The following CEP68 variants were observed in gnomAD, a reference collection of about 807,000 sequenced individuals.
CEP68 encodes centrosomal protein 68.
In CEP68, 26 loss-of-function variants were observed where a neutral mutation model predicts 55.3. That is an observed-to-expected ratio of 0.47 (90% CI 0.34 to 0.65). The LOEUF is 0.65. CEP68 is among the 30% of genes least tolerant of loss of function. The pLI, the probability that CEP68 is intolerant of heterozygous loss-of-function variation, is 0.01. For synonymous variants in CEP68, 402 were observed against 383.2 expected, an observed-to-expected ratio of 1.05 and a Z score of -0.57; for missense variants, 957 against 946.7, an observed-to-expected ratio of 1.01 and a Z score of -0.14.
At chr2:65,081,376 T>A (rs1369147515) in intron 5 of CEP68, among the ~76,000 whole-genome samples, 2 of 152,116 alleles carry the variant, frequency 1.3e-5, no homozygotes, top group Non-Finnish European at 2.9e-5. Flanking sequence ...CCCTAGGAGA[T>A]CTCAATACAG....
chr2:65,063,544 G>A (rs1232692694), intron 1 of CEP68, among the ~76,000 whole-genome samples: 4 of 152,200 alleles, frequency 2.6e-5, no homozygotes, highest in African/African-American at 4.8e-5. Flanking sequence ...GACAACAAGC[G>A]CTATTCACCA....
In CEP68 at chr2:65,071,779, T is replaced by C; in HGVS notation, c.683T>C (p.Leu228Pro). ...TCTCTGGCCAAGGTCTCCTCCTCCC[T>C]GGAGCCGGTCGTCCCCCAGGAACCT... ...GGSLAKVSSS[L>P]EPVVPQEPSS... The change falls in exon 3 of 7, where the codon CTG (leucine) becomes CCG (proline). Residue 228 changes from leucine (L) to proline (P), a missense_variant. Physicochemically the swap from Leu to Pro is moderately conservative, Grantham distance 98. Coordinates refer to ENST00000377990, the MANE Select transcript of CEP68 (RefSeq NM_015147.3). 1.2e-6 allele frequency: 2 copies of C among 1,612,004 alleles called. No homozygotes were observed. The highest frequency in any genetic ancestry group is 1.1e-5 in the South Asian group (1 of 91,034).
In CEP68 at chr2:65,072,192, C is replaced by T; in HGVS notation, c.1096C>T (p.Pro366Ser). 1 of 1,614,108 alleles carries T rather than the reference C, an allele frequency of 6.2e-7. No homozygotes were observed. Among genetic ancestry groups the T allele is most frequent in the Non-Finnish European group, 8.5e-7 (1 of 1,180,022 alleles). ...CCCACCAGCAGAGGCCACTGCCCTGCCATTTTCTGGGCCCAGAGAGCCAAG... is the reference window on the plus strand; with the variant it reads ...CCCACCAGCAGAGGCCACTGCCCTGTCATTTTCTGGGCCCAGAGAGCCAAG... ...NCPPAEATAL[P>S]FSGPREPSLK... Residue 366 changes from proline to serine, a missense_variant, in exon 3 of 7, where the codon CCA becomes TCA. Transcript: ENST00000377990.
At chr2:65,065,074 C>G (rs980914760) in intron 1 of CEP68, among the ~76,000 whole-genome samples, 1 of 152,230 alleles carries the variant, frequency 6.6e-6, no homozygotes, top group Non-Finnish European at 1.5e-5. Flanking sequence ...CTGGACTTGT[C>G]TCACTCAGAG....
chr2:65,067,912 G>C lies in CEP68; in HGVS notation c.-46-1487G>C, dbSNP rs112194454. Reference sequence around the variant, plus strand: ...ATGCCCCATCAGGCAGAGTAGGGAAGGGCCCTCTTGGATTCCAGTGCAAGG... The same window carrying C: ...ATGCCCCATCAGGCAGAGTAGGGAACGGCCCTCTTGGATTCCAGTGCAAGG... On this transcript the variant is annotated intron_variant, in intron 1 of 6. Coordinates refer to ENST00000377990, the MANE Select transcript of CEP68 (RefSeq NM_015147.3). Among the ~76,000 whole-genome samples, 548 of 152,258 alleles carry C rather than the reference G, an allele frequency of 3.6e-3. 2 individuals carry two copies. The highest frequency in any genetic ancestry group is 0.013 in the African/African-American group (520 of 41,538).
Position 65,071,738 on chromosome 2 carries a change from G to A in CEP68, c.642G>A (p.Ala214=), listed in dbSNP as rs377357609. 1.3e-4 allele frequency: 202 copies of A among 1,613,848 alleles called. 1 individual carries two copies. In the East Asian group the frequency reaches 2.3e-3, roughly 19 times the overall value. The change falls in exon 3 of 7, where the codon GCG becomes GCA. Residue 214 remains alanine, a synonymous_variant. Transcript: ENST00000377990. ...GTCTCCAGGGTCACCAGGAGAGGGCGGAGCCTCGTGGTGGTTCTCTGGCCA... is the reference window on the plus strand; with the variant it reads ...GTCTCCAGGGTCACCAGGAGAGGGCAGAGCCTCGTGGTGGTTCTCTGGCCA... ...GSSLQGHQER[A]EPRGGSLAKV...
rs113720539 is a variant in CEP68, at chr2:65,059,237, C to T, written c.-47+2709C>T. Among the ~76,000 whole-genome samples, 658 of 152,302 alleles carry T rather than the reference C, an allele frequency of 4.3e-3. 7 individuals are homozygous for T. Among genetic ancestry groups the T allele is most frequent in the African/African-American group, 0.015 (634 of 41,552 alleles). On this transcript the variant is annotated intron_variant, in intron 1 of 6. Coordinates refer to ENST00000377990, the MANE Select transcript of CEP68 (RefSeq NM_015147.3). ...AGACCTGTCTGCCAGCTAGAAGTGT[C>T]AGATACAACTCCTGGGGGACACTGC...
intron 2 of CEP68, among the ~76,000 whole-genome samples, chr2:65,070,426 G>T (rs1259645396): frequency 6.6e-6 from 1 of 151,880 alleles, no homozygotes; most frequent in Non-Finnish European, 1.5e-5. Flanking sequence ...TGACCGGAAT[G>T]ATCTGTTCTG....
rs573556205 is a variant in CEP68 at position 65,076,208 on chromosome 2, G to A, written c.2008-1660G>A. 3.9e-5 allele frequency among the ~76,000 whole-genome samples: 6 copies of A among 152,230 alleles called. No individual in the cohort carries two copies. In the South Asian group the frequency reaches 1.2e-3, roughly 32 times the overall value. On this transcript the variant is annotated intron_variant, in intron 4 of 6. Transcript: ENST00000377990. ...CACGTGCATGCACGCAGCTGTGCAG[G>A]GCCCAGGACCAGTACCACTACAGAG...
chr2:65,058,508 T>TA (rs1224517981), intron 1 of CEP68, among the ~76,000 whole-genome samples: 124 of 136,666 alleles, frequency 9.1e-4, no homozygotes, highest in African/African-American at 3.2e-3. Flanking sequence ...TTTTTTTTTT[T>TA]TTTTTTTTTT....
Position 65,072,272 on chromosome 2 carries a change from A to G in CEP68, c.1176A>G (p.Ala392=), listed in dbSNP as rs1676514629. The G allele has an allele frequency of 6.2e-7, 1 of 1,613,938 alleles. No homozygotes were observed. Among genetic ancestry groups the G allele is most frequent in the African/African-American group, 1.3e-5 (1 of 74,890 alleles). The part of the protein sequence containing the change: ...VPQKQGGMGL[A]SWSQLASTPR... Reference sequence around the variant, plus strand: ...AGAAACAGGGTGGCATGGGCTTGGCATCTTGGAGCCAACTTGCATCTACCC... The same window carrying G: ...AGAAACAGGGTGGCATGGGCTTGGCGTCTTGGAGCCAACTTGCATCTACCC... Residue 392 remains alanine, a synonymous_variant, in exon 3 of 7, where the codon GCA becomes GCG. Transcript: ENST00000377990.
intron 1 of CEP68, among the ~76,000 whole-genome samples, chr2:65,063,114 A>AT (rs939498291): frequency 6.6e-6 from 1 of 152,164 alleles, no homozygotes; most frequent in African/African-American, 2.4e-5. Context: ...TTGTGGGCGT[A>AT]TTTTTACTGT....
In CEP68 at chr2:65,069,513, AGGGAGCTGCAGGGAGC is replaced by A. The variant is rs1349762701; in HGVS notation, c.78_93del (p.Cys26TrpfsTer7). ...ACACAAAGGCCCAGTCCTATGGGAGAGGGAGCTGCAGGGAGCGGGAGCTGGACATCCCAGGGCCCAT... is the reference window on the plus strand; with the variant it reads ...ACACAAAGGCCCAGTCCTATGGGAGAGGGAGCTGGACATCCCAGGGCCCAT... On this transcript the variant is annotated frameshift_variant, in exon 2 of 7. Transcript: ENST00000377990. LOFTEE classifies it high-confidence loss of function. 21 of 1,575,774 alleles carry A rather than the reference AGGGAGCTGCAGGGAGC, an allele frequency of 1.3e-5. No homozygotes were observed. Among genetic ancestry groups the A allele is most frequent in the Non-Finnish European group, 1.8e-5 (21 of 1,159,422 alleles).
intron 1 of CEP68, among the ~76,000 whole-genome samples, chr2:65,061,189 A>G (rs781734636): frequency 6.6e-6 from 1 of 152,134 alleles, no homozygotes; most frequent in Admixed American, 6.5e-5. Flanking sequence ...AAAAAAGAAA[A>G]AAAAGGGCTA....
In CEP68 at chr2:65,082,357, C is replaced by T. The variant is rs573082531; in HGVS notation, c.2105-179C>T. 5.9e-5 allele frequency among the ~76,000 whole-genome samples: 9 copies of T among 152,288 alleles called. No homozygotes were observed. The South Asian group carries it at 1.2e-3, about 21-fold the overall frequency. On this transcript the variant is annotated intron_variant, in intron 5 of 6. Transcript: ENST00000377990. Reference sequence around the variant, plus strand: ...ATCAGAAGTTAACAACATAGGTTCTCCAGTGCAACAGAAGTCCCTGGAGAA... The same window carrying T: ...ATCAGAAGTTAACAACATAGGTTCTTCAGTGCAACAGAAGTCCCTGGAGAA...
intron 5 of CEP68, 117 bp downstream of exon 5, chr2:65,078,081 C>G: frequency 1.4e-6 from 1 of 690,944 alleles, no homozygotes; most frequent in East Asian, 2.8e-5. Context: ...CCCACACCCA[C>G]TGCCCGAGAT....
chr2:65,082,740 C>T (rs1668892227), intron 6 of CEP68, 31 bp downstream of exon 6: 3 of 1,505,748 alleles, frequency 2.0e-6, no homozygotes, highest in Non-Finnish European at 2.7e-6. Flanking sequence ...AGAAAATTTG[C>T]CCACCAACCC....
chr2:65,080,335 T>C (rs1365653952), intron 5 of CEP68: 1 of 985,106 alleles, frequency 1.0e-6, no homozygotes, highest in Non-Finnish European at 1.2e-6. Context: ...CTGCTTGAAA[T>C]AATCAGGAAT....
chr2:65,072,160 C>G lies in CEP68; in HGVS notation c.1064C>G (p.Pro355Arg), dbSNP rs1258354833. Residue 355 changes from proline to arginine, a missense_variant, in exon 3 of 7, where the codon CCC (proline) becomes CGC (arginine). Transcript: ENST00000377990. ...STLKSPTNVS[P>R]NCPPAEATAL... ...CTCAAATCACCTACTAATGTCTCCC[C>G]CAACTGCCCACCAGCAGAGGCCACT... is the stretch of plus-strand genomic sequence containing the variant. 6.2e-7 allele frequency: 1 copy of G among 1,614,086 alleles called. No homozygotes were observed. The highest frequency in any genetic ancestry group is 2.2e-5 in the East Asian group (1 of 44,870).
Sources: allele counts gnomAD v4.1 joint callset (sites outside exome capture counted in the v4.1 genomes callset), GRCh38; gene constraint gnomAD v4.1.1; transcripts MANE v1.5; gene names NCBI Gene and HGNC (gene_info 2026-07-23, HGNC 2026-07-21).